ABCB4: variants seen among roughly 807,000 people sequenced by gnomAD.
ABCB4 encodes the protein phosphatidylcholine translocator ABCB4.
A neutral mutation model predicts 145.7 loss-of-function variants in ABCB4; 76 were observed. That is an observed-to-expected ratio of 0.52 (90% CI 0.43 to 0.63). The LOEUF is 0.63. Ranked by LOEUF, ABCB4 falls within the 30% of genes least tolerant of loss-of-function variation. ABCB4 has a pLI of 0.00. For synonymous variants in ABCB4, 517 were observed against 566.8 expected (o/e 0.91, Z 1.25); for missense variants, 1,234 against 1,553.1 (o/e 0.79, Z 3.45).
rs1813724270 is a variant in ABCB4 at position 87,475,331 on chromosome 7, C to G, written c.80+55G>C. On this transcript the variant is annotated intron_variant, in intron 2 of 27. Transcript: ENST00000649586. ...TTTACAACTTCTTTCCAAGGGTGAA[C>G]TTAGTCCTGCTGATTGGCGTGTAAC... is the stretch of plus-strand genomic sequence containing the variant. The G allele has an allele frequency of 4.4e-6, 7 of 1,602,018 alleles. No individual in the cohort carries two copies. The South Asian group carries it at 6.6e-5, about 15-fold the overall frequency.
the ABCB4 span, among the ~76,000 whole-genome samples, chr7:87,385,133 C>T: frequency 6.6e-6 from 1 of 150,810 alleles, no homozygotes; most frequent in Non-Finnish European, 1.5e-5. Flanking sequence ...TGTGATACCT[C>T]AAGCTTTTTT....
Position 87,418,569 on chromosome 7 carries a change from T to C in ABCB4, c.2446A>G (p.Arg816Gly), listed in dbSNP as rs144826668. 4.3e-6 allele frequency: 7 copies of C among 1,614,072 alleles called. No individual in the cohort carries two copies. Among genetic ancestry groups the C allele is most frequent in the Non-Finnish European group, 5.9e-6 (7 of 1,180,018 alleles). ...HKNSTGALST[R>G]LATDAAQVQG... Reference sequence around the variant, plus strand: ...ACTTGGGCAGCATCTGTGGCAAGTCTTGTAGAAAGTGCACCAGTACTGTTT... The same window carrying C: ...ACTTGGGCAGCATCTGTGGCAAGTCCTGTAGAAAGTGCACCAGTACTGTTT... Residue 816 changes from arginine to glycine, a missense_variant, in exon 20 of 28, where the codon AGA becomes GGA. This residue lies in a region of ABCB4 where 321 missense variants were observed against 332.6 expected (regional missense o/e 0.97). Transcript: ENST00000649586.
chr7:87,388,262 T>TA, the ABCB4 span, among the ~76,000 whole-genome samples: 3,281 of 151,064 alleles, frequency 0.022, 123 homozygotes, highest in African/African-American at 0.074. Context: ...TTCAGAAAAT[T>TA]AAAAAAAAAC....
At chr7:87,376,657 C>G in the ABCB4 span, among the ~76,000 whole-genome samples, 1 of 149,056 alleles carries the variant, frequency 6.7e-6, no homozygotes, top group Non-Finnish European at 1.5e-5. Context: ...TTGAGAATCA[C>G]CAGACTTCTT....
downstream of ABCB4, chr7:87,398,739 G>A: frequency 8.4e-7 from 1 of 1,193,902 alleles, no homozygotes; most frequent in Non-Finnish European, 1.2e-6. Flanking sequence ...ATGTTGACTT[G>A]CTAACATTCC....
chr7:87,370,941 TGTAGGAGTTCCTTACATTCTGG>T, the ABCB4 span, among the ~76,000 whole-genome samples: 2 of 152,220 alleles, frequency 1.3e-5, no homozygotes, highest in South Asian at 4.1e-4. Context: ...GTGTGAATGT[TGTAGGAGTTCCTTACATTCTGG>T]GTAAGAGTTC....
At chr7:87,393,039 G>T in the ABCB4 span, 1 of 1,613,384 alleles carries the variant, frequency 6.2e-7, no homozygotes, top group South Asian at 1.1e-5. Flanking sequence ...CAATGGTTAT[G>T]GATTTTTCTA....
At chr7:87,381,914 C>T in the ABCB4 span, 5 of 1,600,598 alleles carry the variant, frequency 3.1e-6, no homozygotes, top group East Asian at 2.2e-5. Context: ...TTTTAGCATG[C>T]TCCTTTTGAT....
the ABCB4 span, among the ~76,000 whole-genome samples, chr7:87,386,518 C>G: frequency 1.3e-5 from 2 of 152,136 alleles, no homozygotes; most frequent in African/African-American, 4.8e-5. Flanking sequence ...CTCCTTTCAT[C>G]TCTGAATTTA....
At position 87,466,839 on chromosome 7, in the gene ABCB4, A is replaced by G. The variant is rs113191783; in HGVS notation, c.136-3931T>C. 3.7e-3 allele frequency among the ~76,000 whole-genome samples: 561 copies of G among 151,564 alleles called. 2 individuals are homozygous for G. The highest frequency in any genetic ancestry group is 0.013 in the African/African-American group (527 of 40,848). ...AGGAGAAATAAAATACTTTACAGAC[A>G]AGCAAATGCTGAGAGATTTTGTTAC... On this transcript the variant is annotated intron_variant, in intron 3 of 27. Coordinates refer to ENST00000649586, the MANE Select transcript of ABCB4 (RefSeq NM_000443.4).
intron 18 of ABCB4, among the ~76,000 whole-genome samples, chr7:87,421,135 A>G (rs1164407768): frequency 6.6e-6 from 1 of 152,206 alleles, no homozygotes; most frequent in African/African-American, 2.4e-5. Flanking sequence ...AGAGGAGTCC[A>G]GATATCCAGA....
chr7:87,405,041 T>G (rs781380744), intron 26 of ABCB4, among the ~76,000 whole-genome samples: 1 of 152,154 alleles, frequency 6.6e-6, no homozygotes, highest in Non-Finnish European at 1.5e-5. Flanking sequence ...AAATAAAAAC[T>G]TGAATTCATA....
chr7:87,403,041 C>T, intron 27 of ABCB4, 94 bp downstream of exon 27: 2 of 1,331,208 alleles, frequency 1.5e-6, no homozygotes, highest in Middle Eastern at 1.9e-4. Context: ...TGTGTTTTTC[C>T]CCCTGTGCTT....
At chr7:87,398,591 A>G (rs1382769902), downstream of ABCB4, 2 of 1,613,660 alleles carry the variant, frequency 1.2e-6, no homozygotes, top group Admixed American at 3.3e-5. Context: ...AGTTCAGCTG[A>G]CTTTTTGTGC....
chr7:87,446,139 C>T (rs45532833), intron 9 of ABCB4, among the ~76,000 whole-genome samples: 8,241 of 152,240 alleles, frequency 0.054, 781 homozygotes, highest in African/African-American at 0.18. Flanking sequence ...ACACCCACAA[C>T]CTCTCAATGA....
At chr7:87,429,822 T>C (rs1005392865) in intron 15 of ABCB4, among the ~76,000 whole-genome samples, 2 of 151,932 alleles carry the variant, frequency 1.3e-5, no homozygotes, top group African/African-American at 4.8e-5. Flanking sequence ...AAACTTTTCG[T>C]CATTTCATTT....
rs45474994 is a variant in ABCB4 at position 87,427,626 on chromosome 7, C to G, written c.1894-706G>C. On this transcript the variant is annotated intron_variant, in intron 15 of 27. Transcript: ENST00000649586. Reference sequence around the variant, plus strand: ...TATTAAGATGTGTCCAACTACACATCTTAATAGTTTGTTCAGGGTCTTAGT... The same window carrying G: ...TATTAAGATGTGTCCAACTACACATGTTAATAGTTTGTTCAGGGTCTTAGT... Among the ~76,000 whole-genome samples, 677 of 152,236 alleles carry G rather than the reference C, an allele frequency of 4.4e-3. 9 individuals carry two copies. Among genetic ancestry groups the G allele is most frequent in the African/African-American group, 0.015 (616 of 41,524 alleles).
At chr7:87,371,040 A>G in the ABCB4 span, among the ~76,000 whole-genome samples, 5,886 of 152,274 alleles carry the variant, frequency 0.039, 365 homozygotes, top group African/African-American at 0.13. Context: ...TTGTTCTATT[A>G]AACACATCTT....
intron 14 of ABCB4, 25 bp downstream of exon 14, chr7:87,439,642 C>A: frequency 6.2e-7 from 1 of 1,613,958 alleles, no homozygotes; most frequent in Non-Finnish European, 8.5e-7. Flanking sequence ...TGTGGTGGTC[C>A]TTCAGCTTTT....
Sources: allele counts gnomAD v4.1 joint callset (sites outside exome capture counted in the v4.1 genomes callset), GRCh38; gene constraint gnomAD v4.1.1; regional missense constraint gnomAD v4.1.1; transcripts MANE v1.5; gene names NCBI Gene and HGNC (gene_info 2026-07-23, HGNC 2026-07-21).